Variants in UBE3A observed in about 807,000 individuals in gnomAD.
UBE3A encodes ubiquitin-protein ligase E3A.
A neutral mutation model predicts 83.4 loss-of-function variants in UBE3A; 6 were observed. The observed-to-expected ratio is 0.07, with a 90% CI of 0.04 to 0.14. UBE3A has a LOEUF of 0.14. Ranked by LOEUF, UBE3A falls within the 10% of genes least tolerant of loss-of-function variation. UBE3A has a pLI of 1.00. For missense variants in UBE3A, 456 were observed against 1,036.1 expected, an observed-to-expected ratio of 0.44 and a Z score of 7.69; for synonymous variants, 337 against 355.4, an observed-to-expected ratio of 0.95 and a Z score of 0.58.
At chr15:25,433,935 T>C (rs1894240361) in intron 1 of UBE3A, among the ~76,000 whole-genome samples, 2 of 152,110 alleles carry the variant, frequency 1.3e-5, no homozygotes, top group African/African-American at 4.8e-5. Context: ...TAGCCAGGCA[T>C]GGTGGCATAT....
intron 4 of UBE3A, among the ~76,000 whole-genome samples, chr15:25,382,194 G>A (rs1047128072): frequency 1.1e-4 from 16 of 151,872 alleles, no homozygotes; most frequent in South Asian, 2.1e-4. Context: ...CGTGGTGGGC[G>A]CCTATAGTCC....
intron 4 of UBE3A, among the ~76,000 whole-genome samples, chr15:25,400,978 TA>T (rs1176152787): frequency 6.6e-6 from 1 of 152,230 alleles, no homozygotes; most frequent in Admixed American, 6.5e-5. Flanking sequence ...ATTCCTTCTA[TA>T]CTTAATTTTT....
chr15:25,375,263 G>A (rs1406370628), intron 5 of UBE3A: 4 of 603,816 alleles, frequency 6.6e-6, no homozygotes, highest in Non-Finnish European at 1.1e-5. Flanking sequence ...TGAACTTTTG[G>A]CATATGATCT....
At chr15:25,348,796 G>A (rs1476630310) in intron 11 of UBE3A, among the ~76,000 whole-genome samples, 1 of 152,146 alleles carries the variant, frequency 6.6e-6, no homozygotes, top group Non-Finnish European at 1.5e-5. Flanking sequence ...ACAGTGCTGA[G>A]ATAAACTAAC....
chr15:25,420,669 A>G (rs1889342422), intron 1 of UBE3A: 2 of 152,258 alleles, frequency 1.3e-5, no homozygotes, highest in Admixed American at 1.3e-4. Context: ...GTGTTAGAAA[A>G]GATGCAGAGA....
In UBE3A at chr15:25,370,905, G is replaced by A. The variant is rs149506027; in HGVS notation, c.1269C>T (p.Asp423=). 1.8e-3 allele frequency: 2,841 copies of A among 1,613,992 alleles called. 9 individuals carry two copies. Among genetic ancestry groups the A allele is most frequent in the Non-Finnish European group, 2.1e-3 (2,509 of 1,179,978 alleles). ...ERRNKKGPRV[D]PLETELGVKT... Reference sequence around the variant, plus strand: ...TAACACCAAGTTCAGTTTCCAGGGGGTCCACTCGAGGACCTTTCTTGTTTC... The same window carrying A: ...TAACACCAAGTTCAGTTTCCAGGGGATCCACTCGAGGACCTTTCTTGTTTC... Residue 423 remains aspartate, a synonymous_variant, in exon 6 of 13, where the codon GAC becomes GAT. Transcript: ENST00000648336. The surrounding 1 kb of genome is among the most constrained non-coding windows in gnomAD (Gnocchi z 4.2).
chr15:25,430,088 AT>A (rs1315186695), intron 1 of UBE3A, among the ~76,000 whole-genome samples: 6 of 91,280 alleles, frequency 6.6e-5, no homozygotes, highest in African/African-American at 1.3e-4. Context: ...TATATATAAG[AT>A]TATATATATA....
At chr15:25,352,462 G>A (rs921570787) in intron 11 of UBE3A, among the ~76,000 whole-genome samples, 35 of 152,180 alleles carry the variant, frequency 2.3e-4, no homozygotes, top group Admixed American at 1.3e-3. Context: ...TAAAAGTTAC[G>A]TTTACATTAT....
intron 11 of UBE3A, among the ~76,000 whole-genome samples, chr15:25,342,160 G>A (rs1416720387): frequency 2.6e-5 from 4 of 152,092 alleles, no homozygotes; most frequent in Non-Finnish European, 5.9e-5. Flanking sequence ...AGGCTGACAA[G>A]AGAAAACAAG....
At position 25,420,629 on chromosome 15, in the gene UBE3A, T is replaced by C. The variant is rs192791702; in HGVS notation, c.-164-8658A>G. 28 of 152,272 alleles carry C rather than the reference T, an allele frequency of 1.8e-4. No homozygotes were observed. In the East Asian group the frequency reaches 5.2e-3, roughly 28 times the overall value. The allele number at this position is 152,272 out of a possible 1,614,324, so 9.4% of individuals were successfully genotyped here. ...CTTTTTACACCCATTAGAATGGCAATTATTTTAAATAAAAAACAGAAATTA... is the reference window on the plus strand; with the variant it reads ...CTTTTTACACCCATTAGAATGGCAACTATTTTAAATAAAAAACAGAAATTA... On this transcript the variant is annotated intron_variant, in intron 1 of 12. Transcript: ENST00000648336.
At chr15:25,401,166 T>C (rs2086986445) in intron 4 of UBE3A, among the ~76,000 whole-genome samples, 1 of 152,208 alleles carries the variant, frequency 6.6e-6, no homozygotes, top group African/African-American at 2.4e-5. Flanking sequence ...AAATCCCATA[T>C]GATCACAGTA....
chr15:25,433,483 G>A (rs545206079), intron 1 of UBE3A, among the ~76,000 whole-genome samples: 1 of 152,262 alleles, frequency 6.6e-6, no homozygotes, highest in South Asian at 2.1e-4. Flanking sequence ...ATGGCACTTG[G>A]CCTCTAAAAA....
intron 4 of UBE3A, among the ~76,000 whole-genome samples, chr15:25,378,865 T>C (rs938549330): frequency 6.6e-6 from 1 of 152,192 alleles, no homozygotes; most frequent in African/African-American, 2.4e-5. Flanking sequence ...ACCAAGTTTC[T>C]TGAGGAAATG....
At chr15:25,426,368 G>T (rs1026025281) in intron 1 of UBE3A, among the ~76,000 whole-genome samples, 2 of 152,094 alleles carry the variant, frequency 1.3e-5, no homozygotes, top group Admixed American at 6.5e-5. Flanking sequence ...TTTTCCTCTG[G>T]GTTATTTTTA....
chr15:25,388,018 G>A (rs2083491975), intron 4 of UBE3A, among the ~76,000 whole-genome samples: 1 of 152,148 alleles, frequency 6.6e-6, no homozygotes, highest in Non-Finnish European at 1.5e-5. Flanking sequence ...ATTCTCTGAT[G>A]AATTCTACTA....
intron 4 of UBE3A, among the ~76,000 whole-genome samples, chr15:25,382,921 A>G (rs952101843): frequency 6.6e-6 from 1 of 152,182 alleles, no homozygotes; most frequent in African/African-American, 2.4e-5. Flanking sequence ...ATGGACCTAT[A>G]ACTATTAGAG....
chr15:25,354,466 C>T, intron 10 of UBE3A, 40 bp from the exon 11 acceptor site: 1 of 1,585,534 alleles, frequency 6.3e-7, no homozygotes, highest in Non-Finnish European at 8.5e-7. Context: ...ATCTGCTATA[C>T]TACTGTATCA....
intron 4 of UBE3A, among the ~76,000 whole-genome samples, chr15:25,378,893 A>C (rs1238065993): frequency 6.6e-6 from 1 of 152,202 alleles, no homozygotes; most frequent in East Asian, 1.9e-4. Context: ...TATATTCTGC[A>C]AAGTTAATTT....
At chr15:25,403,446 A>G (rs542535971) in intron 4 of UBE3A, among the ~76,000 whole-genome samples, 1 of 152,310 alleles carries the variant, frequency 6.6e-6, no homozygotes, top group East Asian at 1.9e-4. Context: ...ACACACACAC[A>G]CACACTCTCA....
Sources: allele counts gnomAD v4.1 joint callset (sites outside exome capture counted in the v4.1 genomes callset), GRCh38; gene constraint gnomAD v4.1.1; non-coding constraint Gnocchi (gnomAD v3.1); transcripts MANE v1.5; gene names NCBI Gene and HGNC (gene_info 2026-07-23, HGNC 2026-07-21).